The following CSMD1 variants were observed in gnomAD, a reference collection of about 807,000 sequenced individuals.
CSMD1 encodes CUB and Sushi multiple domains 1, also known as CUB and sushi domain-containing protein 1.
In CSMD1, 213 loss-of-function variants were observed where a neutral mutation model predicts 417.5. The ratio of observed to expected loss-of-function variants is 0.51; its 90% CI spans 0.46 to 0.57. The LOEUF (loss-of-function observed/expected upper bound fraction) is 0.57. CSMD1 is among the 20% of genes least tolerant of loss of function. The probability of loss-of-function intolerance (pLI) is 0.00; values close to 1 mark genes in which losing one functional copy is unlikely to be tolerated. For synonymous variants in CSMD1, 2,862 were observed against 1,736.8 expected (o/e 1.65, Z -16.11); for missense variants, 6,923 against 4,529.7 (o/e 1.53, Z -15.17).
chr8:4,116,802 A>T (rs932327414), intron 3 of CSMD1, among the ~76,000 whole-genome samples: 2 of 148,462 alleles, frequency 1.3e-5, no homozygotes, highest in South Asian at 4.3e-4. Flanking sequence ...TGTCAACCTA[A>T]AACTACTCTA....
chr8:3,621,532 G>A (rs757905439), intron 7 of CSMD1, among the ~76,000 whole-genome samples: 4 of 152,206 alleles, frequency 2.6e-5, no homozygotes, highest in Middle Eastern at 3.4e-3. Flanking sequence ...GGTGATGGAT[G>A]TACAATAGCA....
chr8:3,851,246 G>A (rs767585424), intron 5 of CSMD1, among the ~76,000 whole-genome samples: 2 of 152,178 alleles, frequency 1.3e-5, no homozygotes, highest in African/African-American at 2.4e-5. Context: ...TTTGCATCTA[G>A]ACAAGGGTGC....
intron 3 of CSMD1, among the ~76,000 whole-genome samples, chr8:4,120,524 T>G (rs914126118): frequency 3.9e-5 from 6 of 152,174 alleles, no homozygotes; most frequent in Admixed American, 2.0e-4. Flanking sequence ...ATTTCTATAT[T>G]TGGCATCTTC....
chr8:3,772,780 T>C (rs1406795897), intron 5 of CSMD1, among the ~76,000 whole-genome samples: 1 of 151,712 alleles, frequency 6.6e-6, no homozygotes, highest in Non-Finnish European at 1.5e-5. Context: ...GTCTGGTCTA[T>C]AAAGCACCAT....
At chr8:3,742,359 T>C (rs555237382) in intron 6 of CSMD1, among the ~76,000 whole-genome samples, 1 of 152,288 alleles carries the variant, frequency 6.6e-6, no homozygotes, top group African/African-American at 2.4e-5. Flanking sequence ...CAGTGGCGAA[T>C]CTGACCCGAA....
At chr8:4,762,976 G>A (rs1181542840) in intron 1 of CSMD1, among the ~76,000 whole-genome samples, 1 of 152,086 alleles carries the variant, frequency 6.6e-6, no homozygotes, top group Non-Finnish European at 1.5e-5. Context: ...GTGGCGTGTG[G>A]GAGGAGACAG....
At chr8:3,804,344 A>G (rs773242240) in intron 5 of CSMD1, among the ~76,000 whole-genome samples, 8 of 152,196 alleles carry the variant, frequency 5.3e-5, no homozygotes, top group African/African-American at 1.4e-4. Context: ...GCGTCTTAAA[A>G]GAAGCAGTAT....
chr8:4,654,206 T>G (rs144169509), intron 1 of CSMD1, among the ~76,000 whole-genome samples: 5 of 152,128 alleles, frequency 3.3e-5, no homozygotes, highest in Non-Finnish European at 1.5e-5. Flanking sequence ...AGTCTGGATC[T>G]AGTAATCTCA....
intron 3 of CSMD1, among the ~76,000 whole-genome samples, chr8:4,259,705 T>C (rs1360957278): frequency 6.6e-6 from 1 of 152,154 alleles, no homozygotes; most frequent in African/African-American, 2.4e-5. Flanking sequence ...CATGTACACA[T>C]TTCAATAATT....
At position 4,024,961 on chromosome 8, in the gene CSMD1, G is replaced by A. The variant is rs1390015144; in HGVS notation, c.610+6944C>T. Among the ~76,000 whole-genome samples, 6 of 152,230 alleles carry A rather than the reference G, an allele frequency of 3.9e-5. No individual in the cohort carries two copies. In the East Asian group the frequency reaches 9.6e-4, roughly 24 times the overall value. On this transcript the variant is annotated intron_variant, in intron 4 of 69. Transcript: ENST00000635120. ...GAGGGAGCATGAATCTTTGTCTGAAGTACGATTGGCCTGGGCTAGGCCTGG... is the reference window on the plus strand; with the variant it reads ...GAGGGAGCATGAATCTTTGTCTGAAATACGATTGGCCTGGGCTAGGCCTGG...
intron 7 of CSMD1, among the ~76,000 whole-genome samples, chr8:3,680,873 G>T (rs955351992): frequency 2.0e-5 from 3 of 152,168 alleles, no homozygotes; most frequent in African/African-American, 4.8e-5. Context: ...GGGATGCAAG[G>T]CTGGTTCAAT....
intron 1 of CSMD1, among the ~76,000 whole-genome samples, chr8:4,820,678 G>A (rs545189947): frequency 1.3e-5 from 2 of 152,228 alleles, no homozygotes; most frequent in African/African-American, 2.4e-5. Context: ...TCATTCAAAT[G>A]GCTGTATCAT....
At chr8:3,611,520 T>C (rs1014020663) in intron 8 of CSMD1, among the ~76,000 whole-genome samples, 5 of 151,102 alleles carry the variant, frequency 3.3e-5, no homozygotes, top group African/African-American at 9.7e-5. Context: ...AGTCTTTTAC[T>C]TCAAGGAAAA....
chr8:4,355,229 T>A (rs1584947900), intron 3 of CSMD1, among the ~76,000 whole-genome samples: 1 of 151,728 alleles, frequency 6.6e-6, no homozygotes. Flanking sequence ...GCCACTGCAC[T>A]CCAGCCTGGG....
chr8:4,656,912 C>T (rs142532019), intron 1 of CSMD1, among the ~76,000 whole-genome samples: 4 of 152,166 alleles, frequency 2.6e-5, no homozygotes, highest in African/African-American at 7.2e-5. Flanking sequence ...CATCTGGGGG[C>T]GGCCTGAAAC....
chr8:2,962,241 G>A (rs1439702389), intron 61 of CSMD1, among the ~76,000 whole-genome samples: 1 of 152,174 alleles, frequency 6.6e-6, no homozygotes, highest in Non-Finnish European at 1.5e-5. Context: ...AAGTCTAGTA[G>A]CTACTTTAGC....
At chr8:3,928,419 G>C (rs2688279) in intron 5 of CSMD1, among the ~76,000 whole-genome samples, 15,568 of 152,150 alleles carry the variant, frequency 0.1, 2,662 homozygotes, top group African/African-American at 0.36. Context: ...CAAGCAATGA[G>C]TCCTAACTTT....
At chr8:4,091,145 C>G (rs999961171) in intron 3 of CSMD1, among the ~76,000 whole-genome samples, 1 of 152,074 alleles carries the variant, frequency 6.6e-6, no homozygotes, top group Non-Finnish European at 1.5e-5. Flanking sequence ...TCTCGAATTC[C>G]TGACCTCAAG....
At position 4,841,911 on chromosome 8, in the gene CSMD1, CAA is replaced by C. The variant is rs397757527; in HGVS notation, c.85+152419_85+152420del. On this transcript the variant is annotated intron_variant, in intron 1 of 69. Transcript: ENST00000635120. The stretch of plus-strand genomic sequence containing the variant: ...GGGCAACAAGAGCAAAACTCCGTCT[CAA>C]AAAAAAAAAAAAAAAAAAAAAAAAA... Among the ~76,000 whole-genome samples, 21 of 34,844 alleles carry C rather than the reference CAA, an allele frequency of 6.0e-4. No individual in the cohort carries two copies. In the South Asian group the frequency reaches 0.039, roughly 65 times the overall value. The allele number at this position is 34,844 out of a possible 152,430, so 22.9% of individuals were successfully genotyped here.
Sources: gnomAD v4.1 joint callset for allele counts (sites outside exome capture counted in the v4.1 genomes callset) on GRCh38, gnomAD v4.1.1 for gene constraint, MANE v1.5 for transcripts, NCBI Gene and HGNC (gene_info 2026-07-23, HGNC 2026-07-21) for gene names.